Variants in RPN2 observed in about 807,000 individuals in gnomAD.
RPN2 encodes ribophorin II.
Under a neutral mutation model 71.4 loss-of-function variants are expected in RPN2, and 29 were observed. That is an observed-to-expected ratio of 0.41 (90% CI 0.30 to 0.55). The LOEUF (loss-of-function observed/expected upper bound fraction) is 0.55. Among genes scored for constraint, RPN2 ranks in the 20% least tolerant of loss-of-function variants. The probability of loss-of-function intolerance (pLI) is 0.35; values close to 1 mark genes in which losing one functional copy is unlikely to be tolerated. For missense variants in RPN2, 726 were observed against 774.1 expected (o/e 0.94, Z 0.74); for synonymous variants, 308 against 305.0 (o/e 1.01, Z -0.10).
chr20:37,221,300 A>G (rs984320337), intron 9 of RPN2, among the ~76,000 whole-genome samples: 2 of 147,764 alleles, frequency 1.4e-5, no homozygotes, highest in African/African-American at 5.0e-5. Context: ...GGTTCAAGCC[A>G]TTTTCCTGTC....
intron 1 of RPN2, among the ~76,000 whole-genome samples, 173 bp from the exon 2 acceptor site, chr20:37,184,007 G>A (rs1008774326): frequency 2.0e-5 from 3 of 152,228 alleles, no homozygotes; most frequent in Admixed American, 2.0e-4. Flanking sequence ...CCTTCCACCA[G>A]TTGAAGAGCA....
chr20:37,190,629 G>T (rs1187124208), intron 2 of RPN2, among the ~76,000 whole-genome samples: 1 of 152,126 alleles, frequency 6.6e-6, no homozygotes, highest in African/African-American at 2.4e-5. Flanking sequence ...CACATTGATT[G>T]ACATTTTTTT....
intron 6 of RPN2, among the ~76,000 whole-genome samples, chr20:37,206,830 T>C (rs2067521397): frequency 6.6e-6 from 1 of 152,136 alleles, no homozygotes; most frequent in Admixed American, 6.6e-5. Flanking sequence ...TGCCTCAGCC[T>C]CTTGAGTAGA....
chr20:37,207,371 G>C lies in RPN2; in HGVS notation c.789G>C (p.Ser263=), dbSNP rs376371326. 5 of 1,614,042 alleles carry C rather than the reference G, an allele frequency of 3.1e-6. No homozygotes were observed. The East Asian group carries it at 1.1e-4, about 36-fold the overall frequency. The stretch of plus-strand genomic sequence containing the variant: ...TGGCCTCTGCAGCTGCTGTGCTCTC[G>C]CATAATCGCTACCACGTGCCAGTTG... ...FSVASAAAVL[S]HNRYHVPVVV... is the part of the protein sequence containing the mutation. Residue 263 remains serine, a synonymous_variant, in exon 7 of 17, where the codon TCG becomes TCC. Transcript: ENST00000237530.
intron 16 of RPN2, chr20:37,238,428 T>G (rs372556992): frequency 6.2e-7 from 1 of 1,609,598 alleles, no homozygotes; most frequent in Admixed American, 1.7e-5. Flanking sequence ...AGCAGTAGAT[T>G]GGCAAAATAT....
At chr20:37,235,659 A>T (rs1025713918) in intron 15 of RPN2, among the ~76,000 whole-genome samples, 5 of 151,982 alleles carry the variant, frequency 3.3e-5, no homozygotes, top group Admixed American at 3.3e-4. Context: ...TTTATTTTTT[A>T]TTTTTTTGAG....
At chr20:37,216,992 G>A (rs923591228) in intron 9 of RPN2, among the ~76,000 whole-genome samples, 4 of 150,726 alleles carry the variant, frequency 2.7e-5, no homozygotes, top group South Asian at 2.1e-4. Context: ...GTGCAGTGGC[G>A]TGATCATGGC....
rs1261781915 is a variant in RPN2, at chr20:37,224,598, ATCT to A, written c.1184+633_1184+635del. Among the ~76,000 whole-genome samples the A allele has an allele frequency of 2.9e-4, 44 of 152,304 alleles. 1 individual carries two copies. Among genetic ancestry groups the A allele is most frequent in the African/African-American group, 1.0e-3 (42 of 41,564 alleles). On this transcript the variant is annotated intron_variant, in intron 10 of 16. Coordinates refer to ENST00000237530, the MANE Select transcript of RPN2 (RefSeq NM_002951.5). Reference sequence around the variant, plus strand: ...CCTCAGAATCTTTTTTTGAAACATAATCTTCTAAGTAGACACTAACAATTGAAC... The same window carrying A: ...CCTCAGAATCTTTTTTTGAAACATAATCTAAGTAGACACTAACAATTGAAC...
chr20:37,231,580 C>T (rs778842745), intron 13 of RPN2, among the ~76,000 whole-genome samples: 3 of 151,750 alleles, frequency 2.0e-5, no homozygotes, highest in Non-Finnish European at 2.9e-5. Flanking sequence ...GGTGTGGTGG[C>T]GCGTACCTGT....
intron 2 of RPN2, among the ~76,000 whole-genome samples, chr20:37,195,044 G>T (rs2067224313): frequency 6.6e-6 from 1 of 152,174 alleles, no homozygotes; most frequent in African/African-American, 2.4e-5. Context: ...TCAAGAGGGT[G>T]TTTGATTAAT....
Position 37,232,352 on chromosome 20 carries a change from T to C in RPN2, c.1638T>C (p.Thr546=), listed in dbSNP as rs376104849. The change falls in exon 14 of 17, where the codon ACT becomes ACC. Residue 546 remains threonine, a synonymous_variant. Coordinates refer to ENST00000237530, the MANE Select transcript of RPN2 (RefSeq NM_002951.5). Reference sequence around the variant, plus strand: ...CCACCGTGGTGTCCAATACATTCACTGCCCTGATCCTCTCGCCGTTGCTTC... The same window carrying C: ...CCACCGTGGTGTCCAATACATTCACCGCCCTGATCCTCTCGCCGTTGCTTC... The part of the protein sequence containing the change: ...RPPTVVSNTF[T]ALILSPLLLL... The C allele has an allele frequency of 2.0e-5, 32 of 1,614,110 alleles. No individual in the cohort carries two copies. The highest frequency in any genetic ancestry group is 2.7e-5 in the Non-Finnish European group (32 of 1,180,032).
chr20:37,230,980 GTCA>G (rs1328007751), intron 13 of RPN2, among the ~76,000 whole-genome samples: 1 of 151,848 alleles, frequency 6.6e-6, no homozygotes, highest in Non-Finnish European at 1.5e-5. Flanking sequence ...GTGGGGCTGT[GTCA>G]TCATGGAGCT....
At chr20:37,237,823 C>T (rs953526353) in intron 16 of RPN2, among the ~76,000 whole-genome samples, 19 of 152,304 alleles carry the variant, frequency 1.2e-4, no homozygotes, top group African/African-American at 4.1e-4. Flanking sequence ...TCCCTTGCAG[C>T]ACCTGCCTGG....
chr20:37,187,192 T>A (rs2067025469), intron 2 of RPN2, among the ~76,000 whole-genome samples: 1 of 152,196 alleles, frequency 6.6e-6, no homozygotes, highest in South Asian at 2.1e-4. Context: ...TTATTTTGAT[T>A]CTTTTTTTAT....
rs76982054 is a variant in RPN2 at position 37,222,155 on chromosome 20, C to T, written c.1093-1723C>T. On this transcript the variant is annotated intron_variant, in intron 9 of 16. Coordinates refer to ENST00000237530, the MANE Select transcript of RPN2 (RefSeq NM_002951.5). ...GTTCTGAGCCTTGCGTGAGTTGTAACGCTGTTAACTCAGCAGAGAGCCCAA... is the reference window on the plus strand; with the variant it reads ...GTTCTGAGCCTTGCGTGAGTTGTAATGCTGTTAACTCAGCAGAGAGCCCAA... Among the ~76,000 whole-genome samples the T allele has an allele frequency of 3.2e-3, 481 of 152,306 alleles. 5 individuals carry two copies. The highest frequency in any genetic ancestry group is 0.011 in the African/African-American group (453 of 41,568).
intron 3 of RPN2, 145 bp downstream of exon 3, chr20:37,198,637 C>A: frequency 1.2e-6 from 1 of 855,750 alleles, no homozygotes; most frequent in Non-Finnish European, 1.7e-6. Flanking sequence ...TTTTTTTTTC[C>A]TTAAGAAAGT....
chr20:37,228,675 C>T lies in RPN2; in HGVS notation c.1425C>T (p.Ala475=), dbSNP rs558748301. 6.2e-6 allele frequency: 10 copies of T among 1,614,222 alleles called. No individual in the cohort carries two copies. The African/African-American group carries it at 1.2e-4, about 19-fold the overall frequency. ...TSERKIEFDS[A]SGTYTLYLII... is the part of the protein sequence containing the mutation. ...AAAGAAAGATTGAATTTGACTCTGC[C>T]TCTGGCACCTACACTCTCTACTTAA... Residue 475 remains alanine, a synonymous_variant, in exon 12 of 17, where the codon GCC becomes GCT. Transcript: ENST00000237530.
At chr20:37,202,705 TG>T (rs1258684213) in intron 4 of RPN2, among the ~76,000 whole-genome samples, 1 of 152,140 alleles carries the variant, frequency 6.6e-6, no homozygotes, top group African/African-American at 2.4e-5. Flanking sequence ...TAAAAATATA[TG>T]AATAAGCCAT....
At chr20:37,186,802 A>G (rs536536005) in intron 2 of RPN2, among the ~76,000 whole-genome samples, 2 of 151,998 alleles carry the variant, frequency 1.3e-5, no homozygotes, top group Non-Finnish European at 2.9e-5. Flanking sequence ...TTCTCCCCAT[A>G]CCATTTATTT....
Sources: allele counts gnomAD v4.1 joint callset (sites outside exome capture counted in the v4.1 genomes callset), GRCh38; gene constraint gnomAD v4.1.1; transcripts MANE v1.5; gene names NCBI Gene and HGNC (gene_info 2026-07-23, HGNC 2026-07-21).